SLC35F3: variants seen among roughly 807,000 people sequenced by gnomAD.
SLC35F3 encodes solute carrier family 35 member F3.
In SLC35F3, 25 loss-of-function variants were observed where a neutral mutation model predicts 49.9. The ratio of observed to expected loss-of-function variants is 0.50; its 90% CI spans 0.37 to 0.70. The LOEUF (loss-of-function observed/expected upper bound fraction) is 0.70, where lower values mean the gene tolerates loss of function less well. SLC35F3 is among the 30% of genes least tolerant of loss of function. The pLI, the probability that SLC35F3 is intolerant of heterozygous loss-of-function variation, is 0.00. For missense variants in SLC35F3, 525 were observed against 639.8 expected (o/e 0.82, Z 1.94); for synonymous variants, 275 against 265.4 (o/e 1.04, Z -0.35).
chr1:233,933,622 G>A (rs866879118), intron 2 of SLC35F3, among the ~76,000 whole-genome samples: 41 of 152,204 alleles, frequency 2.7e-4, no homozygotes, highest in Middle Eastern at 3.4e-3. Context: ...AGGCCGAGGC[G>A]GGCAGATGAC....
intron 2 of SLC35F3, among the ~76,000 whole-genome samples, chr1:234,118,778 A>G (rs1256448963): frequency 1.3e-5 from 2 of 152,194 alleles, no homozygotes; most frequent in Non-Finnish European, 2.9e-5. Context: ...ATTCAGAAGA[A>G]CTAGAACTAG....
At chr1:234,258,130 C>T (rs990150682) in intron 3 of SLC35F3, among the ~76,000 whole-genome samples, 1 of 152,126 alleles carries the variant, frequency 6.6e-6, no homozygotes, top group East Asian at 1.9e-4. Flanking sequence ...GTCAGCCTCC[C>T]CGAAAGCTTG....
intron 2 of SLC35F3, among the ~76,000 whole-genome samples, chr1:234,137,770 A>G (rs6661512): frequency 0.75 from 114,023 of 152,184 alleles, 43,137 homozygotes; most frequent in African/African-American, 0.86. Flanking sequence ...AAGTAGCTGC[A>G]AATTAGCAGG....
At chr1:234,071,620 AG>A (rs1297202041) in intron 2 of SLC35F3, among the ~76,000 whole-genome samples, 1 of 152,260 alleles carries the variant, frequency 6.6e-6, no homozygotes, top group Non-Finnish European at 1.5e-5. Context: ...TAACATTTTT[AG>A]GAATATTTAA....
chr1:234,076,998 G>GTTTTT (rs56254338), intron 2 of SLC35F3, among the ~76,000 whole-genome samples: 1 of 91,276 alleles, frequency 1.1e-5, no homozygotes. Flanking sequence ...TTTTTTTTTT[G>GTTTTT]TTTTTTTTTT....
chr1:234,297,660 C>T (rs1258347765), intron 3 of SLC35F3, among the ~76,000 whole-genome samples: 1 of 151,296 alleles, frequency 6.6e-6, no homozygotes, highest in Non-Finnish European at 1.5e-5. Context: ...GGGAAGATTA[C>T]TTGAGCCCTG....
At chr1:234,268,365 A>T (rs1159165761) in intron 3 of SLC35F3, among the ~76,000 whole-genome samples, 3 of 151,336 alleles carry the variant, frequency 2.0e-5, no homozygotes, top group Admixed American at 1.3e-4. Flanking sequence ...TGTCAGGAGA[A>T]TCAGGCAGGG....
At chr1:233,912,355 G>C (rs1336398501) in intron 2 of SLC35F3, among the ~76,000 whole-genome samples, 2 of 152,120 alleles carry the variant, frequency 1.3e-5, no homozygotes, top group Non-Finnish European at 2.9e-5. Context: ...GTGGGCACCT[G>C]TAATCCCAGC....
At chr1:234,005,063 C>A (rs563366056) in intron 2 of SLC35F3, among the ~76,000 whole-genome samples, 1 of 152,194 alleles carries the variant, frequency 6.6e-6, no homozygotes, top group Admixed American at 6.5e-5. Flanking sequence ...AGCTGAAAAT[C>A]TTTAAAGTCT....
intron 2 of SLC35F3, among the ~76,000 whole-genome samples, chr1:234,141,122 C>A (rs1665908200): frequency 6.6e-6 from 1 of 152,144 alleles, no homozygotes; most frequent in African/African-American, 2.4e-5. Flanking sequence ...TGACAGTCAG[C>A]CTCTTCTTGT....
rs1489400069 is a variant in SLC35F3 at position 234,309,219 on chromosome 1, A to C, written c.727A>C (p.Lys243Gln). 2 of 1,614,116 alleles carry C rather than the reference A, an allele frequency of 1.2e-6. No individual in the cohort carries two copies. The highest frequency in any genetic ancestry group is 2.2e-5 in the East Asian group (1 of 44,890). The change falls in exon 4 of 8, where the codon AAA becomes CAA. Residue 243 changes from lysine (K) to glutamine (Q), a missense_variant. Transcript: ENST00000366618. ...TNYLYLHAIK[K>Q]INTTDVSVLF... ...CTACCTGTACTTACATGCAATAAAGAAAATAAACACTACGGATGTCTCCGT... is the reference window on the plus strand; with the variant it reads ...CTACCTGTACTTACATGCAATAAAGCAAATAAACACTACGGATGTCTCCGT...
Position 234,149,901 on chromosome 1 carries a change from C to T in SLC35F3, c.284-81516C>T, listed in dbSNP as rs189701814. 3.1e-3 allele frequency among the ~76,000 whole-genome samples: 468 copies of T among 152,304 alleles called. 7 individuals carry two copies. The highest frequency in any genetic ancestry group is 0.029 in the Admixed American group (444 of 15,302). The stretch of plus-strand genomic sequence containing the variant: ...ACAGTCCAATCTCAGGCCAACCCAA[C>T]GGTACCTGGAAACCAGATCCTTCCA... On this transcript the variant is annotated intron_variant, in intron 2 of 7. Coordinates refer to ENST00000366618, the MANE Select transcript of SLC35F3 (RefSeq NM_173508.4).
intron 2 of SLC35F3, among the ~76,000 whole-genome samples, chr1:234,085,468 G>C (rs1248135893): frequency 6.6e-6 from 1 of 152,144 alleles, no homozygotes; most frequent in Non-Finnish European, 1.5e-5. Context: ...CAATCATTGT[G>C]CTATGATCCT....
chr1:234,170,263 C>G (rs1347428747), intron 2 of SLC35F3, among the ~76,000 whole-genome samples: 3 of 152,182 alleles, frequency 2.0e-5, no homozygotes, highest in Non-Finnish European at 4.4e-5. Flanking sequence ...TGGCCTGACC[C>G]CATTATAGAG....
intron 2 of SLC35F3, among the ~76,000 whole-genome samples, chr1:234,091,493 A>G (rs1037415780): frequency 6.6e-6 from 1 of 152,222 alleles, no homozygotes; most frequent in African/African-American, 2.4e-5. Context: ...CTCTGAGACC[A>G]GGGTGGAAAG....
chr1:234,132,768 A>G (rs1323665380), intron 2 of SLC35F3, among the ~76,000 whole-genome samples: 1 of 152,148 alleles, frequency 6.6e-6, no homozygotes, highest in Non-Finnish European at 1.5e-5. Flanking sequence ...TTTATTTTGC[A>G]TGGTTCTGGT....
intron 3 of SLC35F3, among the ~76,000 whole-genome samples, chr1:234,246,736 C>A (rs1449914741): frequency 6.6e-6 from 1 of 152,180 alleles, no homozygotes; most frequent in Non-Finnish European, 1.5e-5. Flanking sequence ...TTAATAAAAA[C>A]CACACGTAAA....
At position 234,097,964 on chromosome 1, in the gene SLC35F3, TTGG is replaced by T. The variant is rs568994922; in HGVS notation, c.284-133446_284-133444del. Among the ~76,000 whole-genome samples the T allele has an allele frequency of 8.2e-3, 1,247 of 151,212 alleles. 9 individuals carry two copies. Among genetic ancestry groups the T allele is most frequent in the Non-Finnish European group, 0.012 (829 of 67,690 alleles). The stretch of plus-strand genomic sequence containing the variant: ...GGTGATGGTGGAGGTGGTGACTGTG[TTGG>T]TGGTGGCAGTTCAGATGGTGGTGGT... On this transcript the variant is annotated intron_variant, in intron 2 of 7. Coordinates refer to ENST00000366618, the MANE Select transcript of SLC35F3 (RefSeq NM_173508.4).
intron 2 of SLC35F3, among the ~76,000 whole-genome samples, chr1:233,970,507 G>A (rs1340692402): frequency 2.0e-5 from 3 of 152,332 alleles, no homozygotes; most frequent in Middle Eastern, 3.4e-3. Context: ...TTAGGGGGCA[G>A]GGGGTGGAGT....
Sources: allele counts gnomAD v4.1 joint callset (sites outside exome capture counted in the v4.1 genomes callset), GRCh38; gene constraint gnomAD v4.1.1; transcripts MANE v1.5; gene names NCBI Gene and HGNC (gene_info 2026-07-23, HGNC 2026-07-21).